CDH3: variants seen among roughly 807,000 people sequenced by gnomAD.
CDH3 encodes the protein cadherin 3, also known as cadherin-3.
A neutral mutation model predicts 82.0 loss-of-function variants in CDH3; 54 were observed. The ratio of observed to expected loss-of-function variants is 0.66; its 90% CI spans 0.53 to 0.83. The LOEUF is 0.83. Among genes scored for constraint, CDH3 ranks in the 40% least tolerant of loss-of-function variants. The pLI is 0.00. For synonymous variants in CDH3, 446 were observed against 437.9 expected (o/e 1.02, Z -0.23); for missense variants, 1,054 against 1,084.6 (o/e 0.97, Z 0.40).
At chr16:68,703,982 G>T (rs1961928263), downstream of CDH3, among the ~76,000 whole-genome samples, 1 of 149,670 alleles carries the variant, frequency 6.7e-6, no homozygotes, top group East Asian at 2.0e-4. Flanking sequence ...ATAATAAAAT[G>T]GGCGAGTAAA....
intron 2 of CDH3, among the ~76,000 whole-genome samples, chr16:68,654,702 C>CAAA (rs199604730): frequency 4.0e-5 from 5 of 124,278 alleles, no homozygotes; most frequent in African/African-American, 1.6e-4. Context: ...GACTCTGTCT[C>CAAA]AAAAAAAAAA....
At chr16:68,686,529 C>G (rs574975288) in intron 11 of CDH3, 3 of 1,137,144 alleles carry the variant, frequency 2.6e-6, no homozygotes, top group Non-Finnish European at 4.0e-6. Context: ...GCTGTTGGAT[C>G]GGATTCTAAA....
intron 4 of CDH3, 61 bp from the exon 5 acceptor site, chr16:68,678,440 T>C: frequency 3.7e-6 from 6 of 1,608,426 alleles, no homozygotes; most frequent in Non-Finnish European, 5.1e-6. Context: ...CACAGAGGAC[T>C]CTTTGTCACA....
At chr16:68,691,508 A>G (rs1353660899) in intron 12 of CDH3, among the ~76,000 whole-genome samples, 1 of 152,212 alleles carries the variant, frequency 6.6e-6, no homozygotes, top group Non-Finnish European at 1.5e-5. Context: ...TAAAATGACA[A>G]ATTAATTTTT....
At chr16:68,652,991 C>A (rs12922297) in intron 2 of CDH3, among the ~76,000 whole-genome samples, 2 of 152,046 alleles carry the variant, frequency 1.3e-5, no homozygotes, top group Non-Finnish European at 2.9e-5. Context: ...CCTGTGCACC[C>A]CTATTTGTTA....
chr16:68,650,037 GA>G (rs370091979), intron 2 of CDH3, among the ~76,000 whole-genome samples: 179 of 141,700 alleles, frequency 1.3e-3, no homozygotes, highest in African/African-American at 3.6e-3. Flanking sequence ...CCGCCTCAAA[GA>G]AAAAAAAAAA....
In CDH3 at chr16:68,645,833, G is replaced by A. The variant is rs537686134; in HGVS notation, c.160+83G>A. On this transcript the variant is annotated intron_variant, in intron 2 of 15. Coordinates refer to ENST00000264012, the MANE Select transcript of CDH3 (RefSeq NM_001793.6). ...GACCGCGCGAGGGGTGTTCGGGCCGGGGCAAGGGACTCCTGGCGCCACCTC... is the reference window on the plus strand; with the variant it reads ...GACCGCGCGAGGGGTGTTCGGGCCGAGGCAAGGGACTCCTGGCGCCACCTC... 87 of 1,062,008 alleles carry A rather than the reference G, an allele frequency of 8.2e-5. No homozygotes were observed. In the East Asian group the frequency reaches 2.1e-3, roughly 25 times the overall value. 65.8% of individuals were successfully genotyped at this position (1,062,008 alleles called of 1,614,324 possible).
intron 9 of CDH3, 95 bp downstream of exon 9, chr16:68,682,582 C>G: frequency 8.3e-7 from 1 of 1,204,158 alleles, no homozygotes; most frequent in Non-Finnish European, 1.2e-6. Context: ...TGGGCTAGTC[C>G]AGGAATCGTA....
At chr16:68,673,083 T>C (rs1960929945) in intron 2 of CDH3, among the ~76,000 whole-genome samples, 2 of 152,240 alleles carry the variant, frequency 1.3e-5, no homozygotes, top group Admixed American at 1.3e-4. Context: ...CGATTCTGGC[T>C]TAGCTATTAT....
Position 68,700,163 on chromosome 16 carries a change from G to A in CDH3, c.*1763G>A, listed in dbSNP as rs1173833944. The A allele has an allele frequency of 6.6e-6, 1 of 152,256 alleles. No individual in the cohort carries two copies. The highest frequency in any genetic ancestry group is 1.5e-5 in the Non-Finnish European group (1 of 68,048). 9.4% of individuals were successfully genotyped at this position (152,256 alleles called of 1,614,324 possible). On this transcript the variant is annotated 3_prime_UTR_variant, in exon 16 of 16. Coordinates refer to ENST00000264012, the MANE Select transcript of CDH3 (RefSeq NM_001793.6). ...TAAATGCAGGAATCAGGAATAGGCA[G>A]CAGTGATAGAACAATTCTGTTTGTG...
intron 1 of CDH3, chr16:68,722,401 T>C (rs1485595174): frequency 1.3e-5 from 2 of 152,180 alleles, no homozygotes; most frequent in African/African-American, 4.8e-5. Context: ...CTAGGCCTCA[T>C]TGGAACCCTT....
In CDH3 at chr16:68,645,693, G is replaced by A; in HGVS notation, c.103G>A (p.Glu35Lys). 6.5e-7 allele frequency: 1 copy of A among 1,546,428 alleles called. No individual in the cohort carries two copies. Among genetic ancestry groups the A allele is most frequent in the Non-Finnish European group, 8.7e-7 (1 of 1,146,664 alleles). Residue 35 changes from glutamate to lysine, a missense_variant, in exon 2 of 16, where the codon GAA (glutamate) becomes AAA (lysine). Glu to Lys is a moderately conservative substitution (Grantham distance 56). Coordinates refer to ENST00000264012, the MANE Select transcript of CDH3 (RefSeq NM_001793.6). ...EPCRAVFREA[E>K]VTLEAGGAEQ... is the part of the protein sequence containing the mutation. Reference sequence around the variant, plus strand: ...GTGCCGGGCGGTCTTCAGGGAGGCTGAAGTGACCTTGGAGGCGGGAGGCGC... The same window carrying A: ...GTGCCGGGCGGTCTTCAGGGAGGCTAAAGTGACCTTGGAGGCGGGAGGCGC...
intron 11 of CDH3, 36 bp from the exon 12 acceptor site, chr16:68,687,476 T>C (rs758321654): frequency 6.4e-7 from 1 of 1,568,710 alleles, no homozygotes; most frequent in Admixed American, 1.7e-5. Flanking sequence ...ACTGGGTGGG[T>C]CACAGGGAGC....
At chr16:68,694,884 C>T (rs112020580) in intron 13 of CDH3, among the ~76,000 whole-genome samples, 1 of 152,064 alleles carries the variant, frequency 6.6e-6, no homozygotes, top group African/African-American at 2.4e-5. Flanking sequence ...TCAGAATCTT[C>T]TAGGAGGAGG....
At chr16:68,656,972 CAGCAGCAAAG>C (rs1312399199) in intron 2 of CDH3, among the ~76,000 whole-genome samples, 1 of 152,110 alleles carries the variant, frequency 6.6e-6, no homozygotes, top group Admixed American at 6.5e-5. Flanking sequence ...CACCTGCCTC[CAGCAGCAAAG>C]ACCTCCCACC....
intron 1 of CDH3, among the ~76,000 whole-genome samples, chr16:68,718,695 TAAA>T (rs1014029829): frequency 6.6e-6 from 1 of 151,464 alleles, no homozygotes; most frequent in Admixed American, 6.6e-5. Flanking sequence ...AAAATAAAAA[TAAA>T]AAAGGAAAAC....
downstream of CDH3, among the ~76,000 whole-genome samples, chr16:68,704,893 T>TA (rs531682691): frequency 1.7e-3 from 265 of 152,176 alleles, no homozygotes; most frequent in African/African-American, 5.5e-3. Context: ...CCATCTCTAT[T>TA]AAAAAACAAT....
chr16:68,725,994 G>C (rs1054294618), intron 2 of CDH3, among the ~76,000 whole-genome samples: 1 of 152,104 alleles, frequency 6.6e-6, no homozygotes, highest in East Asian at 1.9e-4. Context: ...GGCAGACGGA[G>C]GTTGCAGTGA....
chr16:68,676,603 C>G lies in CDH3; in HGVS notation c.246+133C>G, dbSNP rs1450702713. 4 of 725,996 alleles carry G rather than the reference C, an allele frequency of 5.5e-6. No individual in the cohort carries two copies. The African/African-American group carries it at 6.9e-5, about 13-fold the overall frequency. The allele number at this position is 725,996 out of a possible 1,614,324, so 45.0% of individuals were successfully genotyped here. ...CCCTTCAGAGGAGGTAGTGTTAGTC[C>G]TCAGCTGTCCACAGCTTGGGTGTGA... On this transcript the variant is annotated intron_variant, in intron 3 of 15. Coordinates refer to ENST00000264012, the MANE Select transcript of CDH3 (RefSeq NM_001793.6).
Sources: gnomAD v4.1 joint callset for allele counts (sites outside exome capture counted in the v4.1 genomes callset) on GRCh38, gnomAD v4.1.1 for gene constraint, MANE v1.5 for transcripts, NCBI Gene and HGNC (gene_info 2026-07-23, HGNC 2026-07-21) for gene names.